Variants in CHN1 observed in about 807,000 individuals in gnomAD.
The protein encoded by CHN1 is chimerin 1.
In CHN1, 37 loss-of-function variants were observed where a neutral mutation model predicts 59.5. The observed-to-expected ratio is 0.62, with a 90% CI of 0.48 to 0.82. The LOEUF (loss-of-function observed/expected upper bound fraction) is 0.82, where lower values mean the gene tolerates loss of function less well. Among genes scored for constraint, CHN1 ranks in the 40% least tolerant of loss-of-function variants. The pLI is 0.00. For synonymous variants in CHN1, 206 were observed against 200.4 expected (o/e 1.03, Z -0.24); for missense variants, 469 against 571.0 (o/e 0.82, Z 1.82).
At chr2:174,943,369 G>A (rs531619104) in intron 3 of CHN1, among the ~76,000 whole-genome samples, 7 of 152,096 alleles carry the variant, frequency 4.6e-5, no homozygotes, top group Non-Finnish European at 8.8e-5. Context: ...TGGGATTACA[G>A]GCACCTGCCA....
Position 174,799,892 on chromosome 2 carries a change from T to C in CHN1, c.*224A>G. ...AATCATGCAATAGCTTGAGTTTCTC[T>C]GAACGTGATAAACACCCAGGATTAC... On this transcript the variant is annotated 3_prime_UTR_variant, in exon 13 of 13. Coordinates refer to ENST00000409900, the MANE Select transcript of CHN1 (RefSeq NM_001822.7). 1 of 636,480 alleles carries C rather than the reference T, an allele frequency of 1.6e-6. No homozygotes were observed. 39.4% of individuals were successfully genotyped at this position (636,480 alleles called of 1,614,324 possible).
intron 6 of CHN1, among the ~76,000 whole-genome samples, chr2:174,861,633 G>A (rs1401375852): frequency 1.3e-5 from 2 of 152,106 alleles, no homozygotes; most frequent in Non-Finnish European, 2.9e-5. Context: ...TTTAAATATT[G>A]TTTCTTCATT....
intron 7 of CHN1, among the ~76,000 whole-genome samples, chr2:174,831,037 C>T (rs1685862806): frequency 6.6e-6 from 1 of 152,080 alleles, no homozygotes; most frequent in African/African-American, 2.4e-5. Context: ...GCAATAACTA[C>T]AGGGAAAAGC....
intron 1 of CHN1, among the ~76,000 whole-genome samples, chr2:174,964,566 C>A (rs950763821): frequency 2.0e-5 from 3 of 152,116 alleles, no homozygotes; most frequent in Non-Finnish European, 4.4e-5. Context: ...AATCCCAGTC[C>A]AAGAGGCTTA....
rs970253843 is a variant in CHN1 at position 174,845,503 on chromosome 2, T to C, written c.627+1377A>G. Among the ~76,000 whole-genome samples, 4 of 152,152 alleles carry C rather than the reference T, an allele frequency of 2.6e-5. No homozygotes were observed. The South Asian group carries it at 8.3e-4, about 31-fold the overall frequency. ...CCTAAATGAAAGATGTAGTGAATGC[T>C]AGATACACATATGATACCTCTTTTC... On this transcript the variant is annotated intron_variant, in intron 7 of 12. Coordinates refer to ENST00000409900, the MANE Select transcript of CHN1 (RefSeq NM_001822.7).
In CHN1 at chr2:174,915,514, GAAA is replaced by G. The variant is rs202071415; in HGVS notation, c.147-346_147-344del. Reference sequence around the variant, plus strand: ...TAACCATATGGCTTGCTAAAGAAAAGAAAAAAAAAAAAACGCAGAAAATGTATC... The same window carrying G: ...TAACCATATGGCTTGCTAAAGAAAAGAAAAAAAAAACGCAGAAAATGTATC... On this transcript the variant is annotated intron_variant, in intron 4 of 12. Coordinates refer to ENST00000409900, the MANE Select transcript of CHN1 (RefSeq NM_001822.7). Among the ~76,000 whole-genome samples the G allele has an allele frequency of 2.1e-5, 3 of 140,890 alleles. No homozygotes were observed. The South Asian group carries it at 7.1e-4, about 33-fold the overall frequency. The allele number at this position is 140,890 out of a possible 152,430, so 92.4% of individuals were successfully genotyped here. A position where few individuals can be genotyped will look rare whatever the true frequency, so the allele number is the denominator to read the frequency against.
intron 11 of CHN1, among the ~76,000 whole-genome samples, chr2:174,803,991 A>C (rs1047460978): frequency 3.9e-5 from 6 of 152,190 alleles, no homozygotes; most frequent in African/African-American, 1.2e-4. Context: ...TGAGCAAAAA[A>C]CATCTCCTGC....
chr2:174,846,294 A>G, intron 7 of CHN1: 1 of 1,537,952 alleles, frequency 6.5e-7, no homozygotes, highest in Non-Finnish European at 8.7e-7. Flanking sequence ...CACAATAATT[A>G]AAAACTACAC....
At chr2:174,924,019 G>T (rs1574170387) in intron 3 of CHN1, among the ~76,000 whole-genome samples, 3 of 151,972 alleles carry the variant, frequency 2.0e-5, no homozygotes, top group Admixed American at 2.0e-4. Context: ...CTCATGTCTA[G>T]ATAGTAAAGG....
intron 5 of CHN1, among the ~76,000 whole-genome samples, chr2:174,885,070 G>A (rs1360557970): frequency 1.3e-5 from 2 of 151,574 alleles, no homozygotes; most frequent in Non-Finnish European, 1.5e-5. Context: ...GGCGGATCAC[G>A]AGGTCAGGAG....
At chr2:174,988,225 T>C (rs1143984) in intron 1 of CHN1, among the ~76,000 whole-genome samples, 79,720 of 151,034 alleles carry the variant, frequency 0.53, 22,367 homozygotes, top group African/African-American at 0.72. Flanking sequence ...GGCATGGTGG[T>C]GCGCGCCTGT....
chr2:174,828,570 A>G (rs1390997312), intron 7 of CHN1, among the ~76,000 whole-genome samples: 1 of 152,206 alleles, frequency 6.6e-6, no homozygotes, highest in African/African-American at 2.4e-5. Flanking sequence ...CCTATAGATA[A>G]TTCTACAGGC....
intron 3 of CHN1, among the ~76,000 whole-genome samples, chr2:174,933,071 G>A (rs1281011495): frequency 1.3e-5 from 2 of 152,172 alleles, no homozygotes; most frequent in Non-Finnish European, 2.9e-5. Flanking sequence ...GTAATAGAAG[G>A]TTGGGGAGGA....
At chr2:174,924,900 A>C (rs1474828345) in intron 3 of CHN1, among the ~76,000 whole-genome samples, 1 of 152,202 alleles carries the variant, frequency 6.6e-6, no homozygotes, top group African/African-American at 2.4e-5. Context: ...ACTCAATGTG[A>C]CTAAGATATG....
At chr2:174,922,748 T>A (rs1689050712) in intron 3 of CHN1, among the ~76,000 whole-genome samples, 1 of 152,100 alleles carries the variant, frequency 6.6e-6, no homozygotes, top group South Asian at 2.1e-4. Context: ...ATTTTAAATA[T>A]ACACCAATAG....
At chr2:174,842,347 C>A (rs140636277) in intron 7 of CHN1, among the ~76,000 whole-genome samples, 22 of 152,262 alleles carry the variant, frequency 1.4e-4, no homozygotes, top group Admixed American at 3.3e-4. Flanking sequence ...AATATTCTTT[C>A]ATATATAGTT....
At chr2:174,919,416 C>T (rs1051999518) in intron 3 of CHN1, among the ~76,000 whole-genome samples, 10 of 98,998 alleles carry the variant, frequency 1.0e-4, no homozygotes, top group Non-Finnish European at 1.6e-4. Flanking sequence ...ATGCCAACTC[C>T]GACTGTTCAT....
intron 1 of CHN1, among the ~76,000 whole-genome samples, chr2:174,963,619 C>A (rs1690492496): frequency 6.6e-6 from 1 of 152,196 alleles, no homozygotes; most frequent in Non-Finnish European, 1.5e-5. Context: ...TGGAGGGAAC[C>A]TGGGCTGAGT....
intron 5 of CHN1, among the ~76,000 whole-genome samples, chr2:174,882,614 A>G (rs1687770958): frequency 6.6e-6 from 1 of 152,250 alleles, no homozygotes; most frequent in African/African-American, 2.4e-5. Context: ...TTGTGTTAAC[A>G]AACAGAAAAC....
Sources: allele counts gnomAD v4.1 joint callset (sites outside exome capture counted in the v4.1 genomes callset), GRCh38; gene constraint gnomAD v4.1.1; transcripts MANE v1.5; gene names NCBI Gene and HGNC (gene_info 2026-07-23, HGNC 2026-07-21).